The following SEC63 variants were observed in gnomAD, a reference collection of about 807,000 sequenced individuals.
The protein encoded by SEC63 is translocation protein SEC63 homolog.
Under a neutral mutation model 116.2 loss-of-function variants are expected in SEC63, and 56 were observed. The ratio of observed to expected loss-of-function variants is 0.48; its 90% confidence interval spans 0.39 to 0.60. SEC63 has a LOEUF of 0.60. Ranked by LOEUF, SEC63 falls within the 20% of genes least tolerant of loss-of-function variation. SEC63 has a pLI of 0.00. For synonymous variants in SEC63, 273 were observed against 294.6 expected (o/e 0.93, Z 0.75); for missense variants, 668 against 900.0 (o/e 0.74, Z 3.30).
intron 1 of SEC63, among the ~76,000 whole-genome samples, chr6:107,949,145 T>C (rs1770532097): frequency 6.6e-6 from 1 of 152,248 alleles, no homozygotes; most frequent in South Asian, 2.1e-4. Context: ...TTAAAAGAAT[T>C]ATTAGTTTAT....
At chr6:107,917,234 T>A (rs1030399627) in intron 4 of SEC63, among the ~76,000 whole-genome samples, 30 of 152,218 alleles carry the variant, frequency 2.0e-4, no homozygotes, top group Admixed American at 2.0e-3. Flanking sequence ...TAAGGGATAC[T>A]TTTAGTTAAT....
Position 107,873,471 on chromosome 6 carries a change from G to C in SEC63, c.2035-559C>G, listed in dbSNP as rs184757837. Among the ~76,000 whole-genome samples the C allele has an allele frequency of 2.0e-5, 3 of 152,128 alleles. No individual in the cohort carries two copies. The East Asian group carries it at 5.8e-4, about 29-fold the overall frequency. On this transcript the variant is annotated intron_variant, in intron 19 of 20. Coordinates refer to ENST00000369002, the MANE Select transcript of SEC63 (RefSeq NM_007214.5). ...TGACATTTGTATTCTCTGGTGATCTGCTCTAGTGATCTGCTCCAATCTCCA... is the reference window on the plus strand; with the variant it reads ...TGACATTTGTATTCTCTGGTGATCTCCTCTAGTGATCTGCTCCAATCTCCA...
intron 4 of SEC63, among the ~76,000 whole-genome samples, chr6:107,920,743 T>G (rs1320826535): frequency 6.6e-6 from 1 of 152,194 alleles, no homozygotes; most frequent in African/African-American, 2.4e-5. Flanking sequence ...TCCTGAAGAA[T>G]CTAGTTAAGT....
Position 107,942,236 on chromosome 6 carries a change from T to C in SEC63, c.125-12722A>G, listed in dbSNP as rs1326161067. On this transcript the variant is annotated intron_variant, in intron 1 of 20. Transcript: ENST00000369002. ...ACTAGGTTTAAGAGCTTTAACACTT[T>C]TACAACTCCTTTCTAAAAAAGCCAG... Among the ~76,000 whole-genome samples the C allele has an allele frequency of 3.9e-5, 6 of 152,328 alleles. 1 individual carries two copies. The highest frequency in any genetic ancestry group is 9.6e-5 in the African/African-American group (4 of 41,582).
At chr6:107,873,799 G>A (rs965524056) in intron 19 of SEC63, among the ~76,000 whole-genome samples, 1 of 151,818 alleles carries the variant, frequency 6.6e-6, no homozygotes, top group East Asian at 1.9e-4. Flanking sequence ...ATTAAAAAAA[G>A]ATCCCAAAAC....
At chr6:107,931,588 A>G (rs1267242024) in intron 1 of SEC63, among the ~76,000 whole-genome samples, 1 of 151,144 alleles carries the variant, frequency 6.6e-6, no homozygotes, top group Non-Finnish European at 1.5e-5. Flanking sequence ...TCTCTACTAA[A>G]AAGACAAATA....
At position 107,929,478 on chromosome 6, in the gene SEC63, C is replaced by T; in HGVS notation, c.161G>A (p.Gly54Glu). 1.2e-6 allele frequency: 2 copies of T among 1,600,462 alleles called. No homozygotes were observed. Among genetic ancestry groups the T allele is most frequent in the Non-Finnish European group, 8.6e-7 (1 of 1,167,834 alleles). Reference sequence around the variant, plus strand: ...CCGTAAACGATACCACATACACCTTCCATATACTTTTCTGATATTCTTTAA... The same window carrying T: ...CCGTAAACGATACCACATACACCTTTCATATACTTTTCTGATATTCTTTAA... ...IRLKNIRKVYGRCMWYRLRLL... is the reference protein window; with the variant it reads ...IRLKNIRKVYERCMWYRLRLL... The change falls in exon 2 of 21, where the codon GGA (glycine) becomes GAA (glutamate). Residue 54 changes from glycine to glutamate, a missense_variant. Transcript: ENST00000369002.
chr6:107,920,267 C>T (rs1229785277), intron 4 of SEC63, among the ~76,000 whole-genome samples: 1 of 151,282 alleles, frequency 6.6e-6, no homozygotes, highest in East Asian at 2.0e-4. Context: ...GCTAAAAATA[C>T]AAAAAAACAT....
At chr6:107,913,224 A>C (rs1787326723) in intron 5 of SEC63, 142 bp downstream of exon 5, 1 of 661,950 alleles carries the variant, frequency 1.5e-6, no homozygotes, top group Non-Finnish European at 2.6e-6. Context: ...TAAAGCAAAA[A>C]TTAATGAGAG....
At chr6:107,924,717 T>C in intron 3 of SEC63, 101 bp downstream of exon 3, 1 of 688,630 alleles carries the variant, frequency 1.5e-6, no homozygotes, top group Non-Finnish European at 2.6e-6. Context: ...CTGACCAAAG[T>C]CTGATTTCTA....
chr6:107,893,419 C>A, intron 16 of SEC63, 63 bp downstream of exon 16: 1 of 1,515,486 alleles, frequency 6.6e-7, no homozygotes. Flanking sequence ...ACACGTAAGA[C>A]TTGAACATTT....
chr6:107,921,453 CT>C (rs34843868), intron 4 of SEC63, among the ~76,000 whole-genome samples: 15,933 of 145,254 alleles, frequency 0.11, 913 homozygotes, highest in East Asian at 0.21. Flanking sequence ...GAAAACTATC[CT>C]TTTTTTTTTT....
At chr6:107,883,360 T>TA in intron 16 of SEC63, 1 of 537,192 alleles carries the variant, frequency 1.9e-6, no homozygotes, top group Non-Finnish European at 3.2e-6. Context: ...TGTCTATTGT[T>TA]AGTTATTTTA....
intron 12 of SEC63, among the ~76,000 whole-genome samples, chr6:107,902,180 A>G (rs897959134): frequency 6.6e-6 from 1 of 152,148 alleles, no homozygotes; most frequent in Admixed American, 6.5e-5. Context: ...TTAACATACA[A>G]TCAAATTTAT....
At position 107,958,192 on chromosome 6, in the gene SEC63, G is replaced by T; in HGVS notation, c.-183C>A. 1.2e-6 allele frequency: 1 copy of T among 849,608 alleles called. No homozygotes were observed. Among genetic ancestry groups the T allele is most frequent in the Non-Finnish European group, 1.8e-6 (1 of 544,540 alleles). The allele number at this position is 849,608 out of a possible 1,614,324, so 52.6% of individuals were successfully genotyped here. A position where few individuals can be genotyped will look rare whatever the true frequency, so the allele number is the denominator to read the frequency against. ...CACCTCTGCCGCTGCCGCCGCCGTC[G>T]CCAGCTCTCGCGAGAGGAGATAGTT... On this transcript the variant is annotated 5_prime_UTR_variant, in exon 1 of 21. Transcript: ENST00000369002.
chr6:107,924,349 T>C (rs1251893914), intron 3 of SEC63, among the ~76,000 whole-genome samples: 4 of 149,256 alleles, frequency 2.7e-5, no homozygotes, highest in South Asian at 4.3e-4. Context: ...GAGGCCGAGG[T>C]GGGCAGATCA....
chr6:107,906,404 C>T (rs896223597), intron 10 of SEC63, 44 bp downstream of exon 10: 2 of 1,605,362 alleles, frequency 1.2e-6, no homozygotes, highest in Non-Finnish European at 1.7e-6. Context: ...AATTCTGCTG[C>T]TTTCATCCCA....
Position 107,938,241 on chromosome 6 carries a change from G to A in SEC63, c.125-8727C>T, listed in dbSNP as rs1402645767. On this transcript the variant is annotated intron_variant, in intron 1 of 20. Transcript: ENST00000369002. Reference sequence around the variant, plus strand: ...CTAATTTAATATATTTCATCCTGGTGAGTTAATTTTTTTTTTTTTTTTTTG... The same window carrying A: ...CTAATTTAATATATTTCATCCTGGTAAGTTAATTTTTTTTTTTTTTTTTTG... 2.3e-4 allele frequency among the ~76,000 whole-genome samples: 28 copies of A among 119,176 alleles called. No individual in the cohort carries two copies. In the East Asian group the frequency reaches 6.5e-3, roughly 28 times the overall value. The allele number at this position is 119,176 out of a possible 152,430, so 78.2% of individuals were successfully genotyped here.
chr6:107,912,533 C>T (rs1421740518), intron 6 of SEC63, among the ~76,000 whole-genome samples, 183 bp downstream of exon 6: 5 of 152,148 alleles, frequency 3.3e-5, no homozygotes, highest in East Asian at 1.9e-4. Flanking sequence ...TGCAGTGAGC[C>T]GAGATCACGC....
Sources: allele counts gnomAD v4.1 joint callset (sites outside exome capture counted in the v4.1 genomes callset), GRCh38; gene constraint gnomAD v4.1.1; transcripts MANE v1.5; gene names NCBI Gene and HGNC (gene_info 2026-07-23, HGNC 2026-07-21).